The following GABBR2 variants were observed in gnomAD, a reference collection of about 807,000 sequenced individuals.
The protein encoded by GABBR2 is G-protein coupled receptor 51.
GABBR2 carries 23 observed loss-of-function variants against 105.6 expected under a neutral mutation model. The observed-to-expected ratio is 0.22, with a 90% CI of 0.16 to 0.31. GABBR2 has a LOEUF of 0.31. Ranked by LOEUF, GABBR2 falls within the 10% of genes least tolerant of loss-of-function variation. The pLI, the probability that GABBR2 is intolerant of heterozygous loss-of-function variation, is 1.00. For missense variants in GABBR2, 734 were observed against 1,245.5 expected, an observed-to-expected ratio of 0.59 and a Z score of 6.18; for synonymous variants, 478 against 499.7, an observed-to-expected ratio of 0.96 and a Z score of 0.58.
chr9:98,585,343 G>A (rs1829054076), intron 1 of GABBR2, among the ~76,000 whole-genome samples: 1 of 151,608 alleles, frequency 6.6e-6, no homozygotes, highest in African/African-American at 2.4e-5. Flanking sequence ...CCTTTGTAGG[G>A]ACATGGATGA....
chr9:98,668,094 A>C (rs772651544), intron 1 of GABBR2, among the ~76,000 whole-genome samples: 5 of 152,246 alleles, frequency 3.3e-5, no homozygotes, highest in Non-Finnish European at 7.3e-5. Flanking sequence ...CAACAGCCTC[A>C]GTTGAAACCA....
At chr9:98,629,078 G>T (rs1018384888) in intron 1 of GABBR2, among the ~76,000 whole-genome samples, 2 of 152,154 alleles carry the variant, frequency 1.3e-5, no homozygotes, top group South Asian at 4.1e-4. Context: ...ACCATTCTGG[G>T]TAACGAAAGG....
intron 7 of GABBR2, among the ~76,000 whole-genome samples, chr9:98,415,110 T>C (rs78019326): frequency 0.012 from 1,766 of 152,232 alleles, 32 homozygotes; most frequent in African/African-American, 0.04. Context: ...AAAAATTGTA[T>C]ATACAGTATA....
rs1416068048 is a variant in GABBR2, at chr9:98,530,111, C to T, written c.630+11762G>A. Among the ~76,000 whole-genome samples, 6 of 152,330 alleles carry T rather than the reference C, an allele frequency of 3.9e-5. No individual in the cohort carries two copies. The East Asian group carries it at 1.2e-3, about 29-fold the overall frequency. ...AACCTACACACTACAAGATGCACTG[C>T]CCTGTCAGCCAAGAGGACCGGCAGA... is the stretch of plus-strand genomic sequence containing the variant. On this transcript the variant is annotated intron_variant, in intron 3 of 18. Transcript: ENST00000259455.
intron 1 of GABBR2, among the ~76,000 whole-genome samples, chr9:98,694,580 C>T (rs1830725092): frequency 6.6e-6 from 1 of 152,172 alleles, no homozygotes; most frequent in African/African-American, 2.4e-5. Flanking sequence ...ACATGAATGA[C>T]ATCGCTATGT....
intron 1 of GABBR2, chr9:98,707,328 G>C (rs1217228576): frequency 6.6e-6 from 1 of 152,368 alleles, no homozygotes; most frequent in East Asian, 1.9e-4. Flanking sequence ...CGATGGAAGA[G>C]GCGCCAACCG....
At chr9:98,475,179 A>C (rs1826764574) in intron 5 of GABBR2, among the ~76,000 whole-genome samples, 1 of 152,060 alleles carries the variant, frequency 6.6e-6, no homozygotes, top group African/African-American at 2.4e-5. Context: ...ACCTCAGATC[A>C]CAGTCATTTT....
intron 1 of GABBR2, chr9:98,608,074 T>C (rs761663223): frequency 7.6e-6 from 10 of 1,315,016 alleles, no homozygotes; most frequent in Admixed American, 3.6e-5. Flanking sequence ...CAACGTATTT[T>C]AGAACAACGA....
In GABBR2 at chr9:98,385,758, G is replaced by A. The variant is rs2131489662; in HGVS notation, c.1544C>T (p.Ser515Leu). Residue 515 changes from serine to leucine, a missense_variant, in exon 11 of 19, where the codon TCG (serine) becomes TTG (leucine). Physicochemically the swap from Ser to Leu is moderately radical, Grantham distance 145. Coordinates refer to ENST00000259455, the MANE Select transcript of GABBR2 (RefSeq NM_005458.8). Reference protein sequence around the residue: ...KNRNQKLIKMSSPYMNNLIIL... With the variant: ...KNRNQKLIKMLSPYMNNLIIL... ...GATAAGGTTGTTCATGTATGGACTC[G>A]ACATCTTTATGAGCCTGACAAGAGA... is the stretch of plus-strand genomic sequence containing the variant. The A allele has an allele frequency of 6.2e-7, 1 of 1,609,368 alleles. No homozygotes were observed. Among genetic ancestry groups the A allele is most frequent in the Non-Finnish European group, 8.5e-7 (1 of 1,175,698 alleles).
chr9:98,485,235 G>C (rs1392975853), intron 4 of GABBR2, among the ~76,000 whole-genome samples: 2 of 152,134 alleles, frequency 1.3e-5, no homozygotes, highest in Non-Finnish European at 2.9e-5. Context: ...ACACCCTCAA[G>C]AGGCTACTAT....
chr9:98,406,435 G>A (rs1832491859), intron 7 of GABBR2, among the ~76,000 whole-genome samples: 1 of 152,258 alleles, frequency 6.6e-6, no homozygotes, highest in Non-Finnish European at 1.5e-5. Flanking sequence ...ACACCCACGT[G>A]TCCGTGCTAT....
At chr9:98,702,710 T>G (rs1830846766) in intron 1 of GABBR2, among the ~76,000 whole-genome samples, 1 of 152,206 alleles carries the variant, frequency 6.6e-6, no homozygotes, top group African/African-American at 2.4e-5. Flanking sequence ...AGCCTCTGCC[T>G]CTCTCTGTCA....
chr9:98,298,694 G>C (rs1830420696), intron 17 of GABBR2, among the ~76,000 whole-genome samples: 1 of 152,154 alleles, frequency 6.6e-6, no homozygotes, highest in Non-Finnish European at 1.5e-5. Flanking sequence ...TGGACTCAAA[G>C]AGATTCTCTA....
chr9:98,302,522 C>A lies in GABBR2; in HGVS notation c.2412+719G>T, dbSNP rs140139868. ...TTCTCTGGGCCACTTTATTTTGGGG[C>A]CTTGTTTAGCCAGCATTGTAACCAA... On this transcript the variant is annotated intron_variant, in intron 16 of 18. Transcript: ENST00000259455. Among the ~76,000 whole-genome samples the A allele has an allele frequency of 3.3e-5, 5 of 152,260 alleles. No homozygotes were observed. In the East Asian group the frequency reaches 9.6e-4, roughly 29 times the overall value.
intron 13 of GABBR2, among the ~76,000 whole-genome samples, chr9:98,337,300 A>G (rs4743208): frequency 0.44 from 67,460 of 151,944 alleles, 15,117 homozygotes; most frequent in Middle Eastern, 0.5. Context: ...GTGAGACTCC[A>G]TCTCGGAAGA....
Position 98,311,198 on chromosome 9 carries a change from G to A in GABBR2, c.1901C>T (p.Pro634Leu). ...TVEKYSMEPD[P>L]AGRDISIRPL... ...GCGGATGGAGATATCCCGTCCTGCT[G>A]GGTCCGGCTGTGCAAAGAGAAAACA... Residue 634 changes from proline to leucine, a missense_variant, in exon 14 of 19, where the codon CCA becomes CTA. Physicochemically the swap from Pro to Leu is moderately conservative, Grantham distance 98. Transcript: ENST00000259455. The A allele has an allele frequency of 6.2e-7, 1 of 1,609,212 alleles. No homozygotes were observed. Among genetic ancestry groups the A allele is most frequent in the Non-Finnish European group, 8.5e-7 (1 of 1,175,588 alleles).
intron 5 of GABBR2, among the ~76,000 whole-genome samples, chr9:98,473,847 C>T (rs903433744): frequency 2.0e-5 from 3 of 152,168 alleles, no homozygotes; most frequent in South Asian, 2.1e-4. Flanking sequence ...AGTATCAACA[C>T]AACTTCTACA....
chr9:98,597,868 G>A (rs746173399), intron 1 of GABBR2, among the ~76,000 whole-genome samples: 7 of 151,940 alleles, frequency 4.6e-5, no homozygotes, highest in Admixed American at 1.3e-4. Flanking sequence ...CTCCCAGGCT[G>A]GAGTGCAGTG....
intron 17 of GABBR2, among the ~76,000 whole-genome samples, chr9:98,294,467 A>G (rs1564005323): frequency 6.6e-6 from 1 of 152,172 alleles, no homozygotes; most frequent in African/African-American, 2.4e-5. Context: ...ATCTGTGCAA[A>G]GATATATACA....
Sources: gnomAD v4.1 joint callset for allele counts (sites outside exome capture counted in the v4.1 genomes callset) on GRCh38, gnomAD v4.1.1 for gene constraint, MANE v1.5 for transcripts, NCBI Gene and HGNC (gene_info 2026-07-23, HGNC 2026-07-21) for gene names.